Variants in BMPR1B observed in about 807,000 individuals in gnomAD.
BMPR1B encodes bone morphogenetic protein receptor type-1B.
Under a neutral mutation model 59.1 loss-of-function variants are expected in BMPR1B, and 12 were observed. That is an observed-to-expected ratio of 0.20 (90% CI 0.13 to 0.33). The LOEUF is 0.33. BMPR1B is among the 10% of genes least tolerant of loss of function. The pLI is 1.00. For missense variants in BMPR1B, 550 were observed against 610.9 expected (o/e 0.90, Z 1.05); for synonymous variants, 237 against 207.3 (o/e 1.14, Z -1.23).
chr4:94,783,553 A>G (rs1278935639), intron 1 of BMPR1B, among the ~76,000 whole-genome samples: 3 of 152,182 alleles, frequency 2.0e-5, no homozygotes, highest in African/African-American at 7.2e-5. Context: ...TCTCTGAGCC[A>G]TTGATCTGGA....
At chr4:94,953,727 A>G (rs935055449) in intron 2 of BMPR1B, among the ~76,000 whole-genome samples, 1 of 151,724 alleles carries the variant, frequency 6.6e-6, no homozygotes, top group Non-Finnish European at 1.5e-5. Context: ...TCTGACGATT[A>G]TGTGTCTTGG....
At chr4:95,046,785 A>G (rs1726091481) in intron 3 of BMPR1B, among the ~76,000 whole-genome samples, 1 of 152,202 alleles carries the variant, frequency 6.6e-6, no homozygotes, top group Non-Finnish European at 1.5e-5. Flanking sequence ...CCTTTGGTAT[A>G]TAAATTAACT....
intron 1 of BMPR1B, among the ~76,000 whole-genome samples, chr4:94,837,571 G>A (rs1171093813): frequency 1.4e-5 from 2 of 143,920 alleles, no homozygotes; most frequent in East Asian, 3.9e-4. Flanking sequence ...TCTGTTGTTG[G>A]TGTATAAGAA....
At chr4:94,923,038 T>C (rs1578806341) in intron 2 of BMPR1B, among the ~76,000 whole-genome samples, 1 of 152,304 alleles carries the variant, frequency 6.6e-6, no homozygotes, top group East Asian at 1.9e-4. Flanking sequence ...TCAAAAGTGC[T>C]ATTTCATTGA....
chr4:95,059,050 T>C (rs1727144401), intron 3 of BMPR1B, among the ~76,000 whole-genome samples: 1 of 152,224 alleles, frequency 6.6e-6, no homozygotes, highest in Non-Finnish European at 1.5e-5. Flanking sequence ...TATTTATCCA[T>C]GAAATAATGG....
At chr4:94,943,888 G>A (rs1729609616) in intron 2 of BMPR1B, among the ~76,000 whole-genome samples, 1 of 152,004 alleles carries the variant, frequency 6.6e-6, no homozygotes, top group Non-Finnish European at 1.5e-5. Context: ...TGGAATTTAA[G>A]GTAATTTAAA....
chr4:94,968,075 C>T (rs900309862), intron 2 of BMPR1B, among the ~76,000 whole-genome samples: 2 of 152,168 alleles, frequency 1.3e-5, no homozygotes, highest in Non-Finnish European at 2.9e-5. Flanking sequence ...TGTAACTTTA[C>T]ATTCAGGGAC....
At chr4:95,030,923 A>G (rs889886610) in intron 3 of BMPR1B, among the ~76,000 whole-genome samples, 5 of 152,188 alleles carry the variant, frequency 3.3e-5, no homozygotes, top group Non-Finnish European at 7.3e-5. Flanking sequence ...AAGAATCAGT[A>G]TCGTGAAAAT....
intron 2 of BMPR1B, among the ~76,000 whole-genome samples, chr4:94,959,950 T>C (rs555039962): frequency 6.6e-6 from 1 of 152,332 alleles, no homozygotes; most frequent in Non-Finnish European, 1.5e-5. Flanking sequence ...TCGAATTATC[T>C]GCATGTTTTC....
intron 3 of BMPR1B, among the ~76,000 whole-genome samples, chr4:95,097,147 A>G (rs1010494722): frequency 6.8e-6 from 1 of 147,998 alleles, no homozygotes; most frequent in Non-Finnish European, 1.5e-5. Context: ...TAACTAATAT[A>G]TATGTAACTA....
intron 10 of BMPR1B, among the ~76,000 whole-genome samples, chr4:95,147,232 C>G (rs1734716271): frequency 1.3e-5 from 2 of 152,048 alleles, no homozygotes; most frequent in Non-Finnish European, 2.9e-5. Context: ...ATTAAGAATT[C>G]TAGCCGGAAG....
chr4:94,851,583 T>C (rs1041376209), intron 1 of BMPR1B, among the ~76,000 whole-genome samples: 4 of 152,098 alleles, frequency 2.6e-5, no homozygotes, highest in African/African-American at 9.7e-5. Flanking sequence ...TTAAAAATTA[T>C]TTACTTTCCT....
At chr4:95,126,224 G>A (rs542179301) in intron 8 of BMPR1B, among the ~76,000 whole-genome samples, 1 of 152,252 alleles carries the variant, frequency 6.6e-6, no homozygotes, top group South Asian at 2.1e-4. Flanking sequence ...TTGGGGTAGA[G>A]GTTACATTTT....
chr4:95,044,457 C>T (rs948657686), intron 3 of BMPR1B, among the ~76,000 whole-genome samples: 1 of 152,154 alleles, frequency 6.6e-6, no homozygotes, highest in East Asian at 1.9e-4. Context: ...AAGGTCAGCC[C>T]TTATCACATG....
intron 1 of BMPR1B, among the ~76,000 whole-genome samples, chr4:94,785,941 T>C (rs1722748294): frequency 6.6e-6 from 1 of 152,184 alleles, no homozygotes; most frequent in South Asian, 2.1e-4. Context: ...TGACCTTTCC[T>C]GAAGTTAGTT....
chr4:94,896,682 CT>C (rs1165882901), intron 2 of BMPR1B, among the ~76,000 whole-genome samples: 5 of 151,958 alleles, frequency 3.3e-5, no homozygotes, highest in African/African-American at 7.2e-5. Flanking sequence ...TTTAGGTAGA[CT>C]TTTGCAGGAG....
intron 1 of BMPR1B, among the ~76,000 whole-genome samples, chr4:94,764,000 AT>A (rs1721873972): frequency 6.6e-6 from 1 of 151,956 alleles, no homozygotes; most frequent in African/African-American, 2.4e-5. Context: ...TTGTGGCATC[AT>A]TTCATTTTTA....
chr4:94,759,000 C>T lies in BMPR1B; in HGVS notation c.-183+932C>T, dbSNP rs1721649687. Among the ~76,000 whole-genome samples, 3 of 152,328 alleles carry T rather than the reference C, an allele frequency of 2.0e-5. No individual in the cohort carries two copies. The South Asian group carries it at 6.2e-4, about 32-fold the overall frequency. The stretch of plus-strand genomic sequence containing the variant: ...TGTCTCTTGCTCTCTGCGCCCATCT[C>T]TCTGCTCGTCCCTCTTTCTGTCCAG... On this transcript the variant is annotated intron_variant, in intron 1 of 12. Transcript: ENST00000515059.
At chr4:95,061,209 A>C (rs868283722) in intron 3 of BMPR1B, among the ~76,000 whole-genome samples, 12 of 132,024 alleles carry the variant, frequency 9.1e-5, no homozygotes, top group Middle Eastern at 3.8e-3. Context: ...ACACACACAC[A>C]CCACACACCC....
Sources: gnomAD v4.1 joint callset for allele counts (sites outside exome capture counted in the v4.1 genomes callset) on GRCh38, gnomAD v4.1.1 for gene constraint, MANE v1.5 for transcripts, NCBI Gene and HGNC (gene_info 2026-07-23, HGNC 2026-07-21) for gene names.